The following ARK2C variants were observed in gnomAD, a reference collection of about 807,000 sequenced individuals.
ARK2C encodes the protein E3 ubiquitin-protein ligase ARK2C.
the ARK2C span, among the ~76,000 whole-genome samples, chr18:46,449,120 A>T: frequency 6.6e-6 from 1 of 152,180 alleles, no homozygotes; most frequent in African/African-American, 2.4e-5. Context: ...AAAAACTCCC[A>T]CAAAAGAGTA....
the ARK2C span, chr18:46,459,006 AG>A: frequency 6.6e-6 from 1 of 152,290 alleles, no homozygotes. Context: ...TGATAGCCAC[AG>A]GAAGTTGAGA....
the ARK2C span, among the ~76,000 whole-genome samples, chr18:46,422,373 G>A: frequency 6.6e-6 from 1 of 152,212 alleles, no homozygotes; most frequent in African/African-American, 2.4e-5. Flanking sequence ...GGCTAGAAAA[G>A]TCAGTGTGGG....
the ARK2C span, among the ~76,000 whole-genome samples, chr18:46,416,957 G>C: frequency 6.6e-6 from 1 of 152,198 alleles, no homozygotes; most frequent in Non-Finnish European, 1.5e-5. Context: ...CCTTTAATGG[G>C]AGGAGCTTGT....
At chr18:46,411,449 G>C in the ARK2C span, among the ~76,000 whole-genome samples, 21 of 152,216 alleles carry the variant, frequency 1.4e-4, no homozygotes, top group Non-Finnish European at 3.1e-4. Context: ...AGTTGAGCAA[G>C]GATTTGCATG....
chr18:46,405,596 G>T, the ARK2C span, among the ~76,000 whole-genome samples: 1 of 152,162 alleles, frequency 6.6e-6, no homozygotes, highest in Non-Finnish European at 1.5e-5. Context: ...ATGCTAAGAA[G>T]GTTCCTGGGA....
the ARK2C span, among the ~76,000 whole-genome samples, chr18:46,408,509 G>A: frequency 6.6e-6 from 1 of 152,222 alleles, no homozygotes; most frequent in South Asian, 2.1e-4. Flanking sequence ...CCCACCAGCA[G>A]AGGGCCATGA....
At chr18:46,347,209 G>T in the ARK2C span, among the ~76,000 whole-genome samples, 10 of 152,220 alleles carry the variant, frequency 6.6e-5, no homozygotes, top group Non-Finnish European at 1.2e-4. Context: ...CTCCCATGTA[G>T]GCCCAGATCT....
the ARK2C span, among the ~76,000 whole-genome samples, chr18:46,364,658 C>T: frequency 6.6e-6 from 1 of 152,194 alleles, no homozygotes; most frequent in African/African-American, 2.4e-5. Flanking sequence ...CTGGAGGCAC[C>T]ACAGCCTCTC....
the ARK2C span, among the ~76,000 whole-genome samples, chr18:46,360,816 G>T: frequency 6.6e-6 from 1 of 152,224 alleles, no homozygotes. Flanking sequence ...CAGGGTCACA[G>T]GGCCCACCTA....
chr18:46,346,259 G>A, the ARK2C span, among the ~76,000 whole-genome samples: 7 of 152,188 alleles, frequency 4.6e-5, no homozygotes, highest in Non-Finnish European at 5.9e-5. Context: ...TCTTCTGAGG[G>A]GGGCACAGGA....
chr18:46,364,093 A>G, the ARK2C span, among the ~76,000 whole-genome samples: 1 of 151,552 alleles, frequency 6.6e-6, no homozygotes, highest in African/African-American at 2.4e-5. Flanking sequence ...GATTATAGGC[A>G]GGGACCACCA....
At chr18:46,389,134 T>C in the ARK2C span, among the ~76,000 whole-genome samples, 1 of 152,162 alleles carries the variant, frequency 6.6e-6, no homozygotes, top group East Asian at 1.9e-4. Flanking sequence ...CATACCCATC[T>C]TGTCTCATAA....
the ARK2C span, among the ~76,000 whole-genome samples, chr18:46,396,893 C>A: frequency 1.3e-5 from 2 of 152,242 alleles, no homozygotes; most frequent in Non-Finnish European, 2.9e-5. Flanking sequence ...CGCTAATTGT[C>A]CAACTGGCTC....
At chr18:46,405,190 A>G in the ARK2C span, among the ~76,000 whole-genome samples, 1 of 152,174 alleles carries the variant, frequency 6.6e-6, no homozygotes, top group Non-Finnish European at 1.5e-5. Flanking sequence ...CAGGGAGGTC[A>G]AGTGACTTGG....
chr18:46,338,275 A>G, the ARK2C span, among the ~76,000 whole-genome samples: 1 of 152,156 alleles, frequency 6.6e-6, no homozygotes, highest in Admixed American at 6.5e-5. Context: ...AGGACTTGCA[A>G]TATAAGTTTT....
chr18:46,366,714 C>T, the ARK2C span, among the ~76,000 whole-genome samples: 1 of 152,170 alleles, frequency 6.6e-6, no homozygotes. Flanking sequence ...TGTAGCTCTG[C>T]CACGGAAGCT....
chr18:46,434,046 C>T, the ARK2C span, among the ~76,000 whole-genome samples: 1 of 152,188 alleles, frequency 6.6e-6, no homozygotes, highest in Non-Finnish European at 1.5e-5. Context: ...TAGAGTCCGG[C>T]TGCATATTAA....
chr18:46,422,531 T>C, the ARK2C span, among the ~76,000 whole-genome samples: 3 of 152,248 alleles, frequency 2.0e-5, no homozygotes, highest in African/African-American at 7.2e-5. Context: ...TCCCTCCACC[T>C]GGGCGCAGCC....
chr18:46,441,926 A>G, the ARK2C span, among the ~76,000 whole-genome samples: 1 of 149,256 alleles, frequency 6.7e-6, no homozygotes, highest in Non-Finnish European at 1.5e-5. Context: ...GCACTTTGGG[A>G]GGCCGAGACG....
Sources: allele counts gnomAD v4.1 joint callset (sites outside exome capture counted in the v4.1 genomes callset), GRCh38; gene constraint gnomAD v4.1.1; transcripts MANE v1.5; gene names NCBI Gene and HGNC (gene_info 2026-07-23, HGNC 2026-07-21).